Variants in P2RY12 observed in about 807,000 individuals in gnomAD.
P2RY12 encodes the protein P2Y purinoceptor 12.
A neutral mutation model predicts 4.5 loss-of-function variants in P2RY12; 3 were observed. That is an observed-to-expected ratio of 0.67 (90% CI 0.31 to 1.74). The LOEUF is 1.74. Among genes scored for constraint, P2RY12 ranks in the 40% most tolerant of loss-of-function variants. P2RY12 has a pLI of 0.09. For missense variants in P2RY12, 356 were observed against 407.8 expected (o/e 0.87, Z 1.09); for synonymous variants, 148 against 154.1 (o/e 0.96, Z 0.29).
chr3:151,372,892 A>C, intron 1 of P2RY12: 1 of 662,098 alleles, frequency 1.5e-6, no homozygotes, highest in Non-Finnish European at 2.5e-6. Context: ...TTTCGAAATA[A>C]TTTTAAGTTT....
At position 151,338,833 on chromosome 3, in the gene P2RY12, C is replaced by G; in HGVS notation, c.13G>C (p.Asp5His). The part of the protein sequence containing the change: MQAV[D>H]NLTSAPGNTS... ...TTACCAGGCGCAGAGGTGAGGTTGT[C>G]GACGGCTTGCATTTCTTGTTGGTTA... Residue 5 changes from aspartate (D) to histidine (H), a missense_variant, in exon 3 of 3, where the codon GAC (aspartate) becomes CAC (histidine). By Grantham distance (81) the Asp-to-His change is moderately conservative (BLOSUM62 -1). Coordinates refer to ENST00000302632, the MANE Select transcript of P2RY12 (RefSeq NM_022788.5). 1.2e-6 allele frequency: 2 copies of G among 1,613,420 alleles called. No individual in the cohort carries two copies. The highest frequency in any genetic ancestry group is 1.7e-6 in the Non-Finnish European group (2 of 1,179,622).
intron 1 of P2RY12, among the ~76,000 whole-genome samples, chr3:151,354,547 A>G (rs1753682163): frequency 6.6e-6 from 1 of 152,318 alleles, no homozygotes; most frequent in East Asian, 1.9e-4. Context: ...GATTAAGTCA[A>G]AGTGAGCCCA....
chr3:151,348,360 AAAAG>A (rs1361325055), intron 1 of P2RY12, among the ~76,000 whole-genome samples: 41 of 24,852 alleles, frequency 1.6e-3, no homozygotes, highest in African/African-American at 2.7e-3. Flanking sequence ...AAAAAAAAAA[AAAAG>A]AAAAAAGAAA....
intron 1 of P2RY12, among the ~76,000 whole-genome samples, chr3:151,372,928 TA>T (rs917127241): frequency 5.9e-5 from 9 of 152,342 alleles, no homozygotes; most frequent in African/African-American, 2.2e-4. Context: ...GAATTATTTT[TA>T]AAAAACTCAT....
intron 1 of P2RY12, chr3:151,355,192 A>G: frequency 6.2e-7 from 1 of 1,614,014 alleles, no homozygotes; most frequent in Non-Finnish European, 8.5e-7. Context: ...TGTGTTCACT[A>G]AACTCCAGCT....
At chr3:151,360,968 A>G (rs1577437754) in intron 1 of P2RY12, among the ~76,000 whole-genome samples, 1 of 152,150 alleles carries the variant, frequency 6.6e-6, no homozygotes, top group African/African-American at 2.4e-5. Flanking sequence ...ATTATTTGAT[A>G]TATCTTTCCA....
intron 1 of P2RY12, among the ~76,000 whole-genome samples, chr3:151,360,099 G>A (rs1754425695): frequency 6.6e-6 from 1 of 152,132 alleles, no homozygotes; most frequent in African/African-American, 2.4e-5. Flanking sequence ...GAAAACTTGG[G>A]AATCTTTGCA....
chr3:151,383,762 T>C, intron 1 of P2RY12: 1 of 1,535,314 alleles, frequency 6.5e-7, no homozygotes, highest in South Asian at 1.1e-5. Flanking sequence ...AATATCTTAC[T>C]GTATTTTGTC....
intron 1 of P2RY12, chr3:151,355,055 A>T (rs1442081820): frequency 1.1e-5 from 13 of 1,134,620 alleles, no homozygotes; most frequent in Non-Finnish European, 1.3e-5. Flanking sequence ...AAAAAAAAGT[A>T]TCCATTAAAA....
At chr3:151,380,633 A>G (rs1253121775) in intron 1 of P2RY12, among the ~76,000 whole-genome samples, 1 of 152,116 alleles carries the variant, frequency 6.6e-6, no homozygotes, top group Non-Finnish European at 1.5e-5. Flanking sequence ...TAAGGTTACA[A>G]AATGTTTTGA....
intron 1 of P2RY12, among the ~76,000 whole-genome samples, chr3:151,349,649 T>A (rs866533241): frequency 6.6e-6 from 1 of 152,156 alleles, no homozygotes; most frequent in South Asian, 2.1e-4. Flanking sequence ...ATGTAAATAT[T>A]TACTATTGCT....
intron 1 of P2RY12, chr3:151,360,491 A>G (rs1754479231): frequency 6.2e-7 from 1 of 1,612,680 alleles, no homozygotes. Flanking sequence ...GGTGTGGTCA[A>G]GCATGTCGTA....
intron 1 of P2RY12, among the ~76,000 whole-genome samples, chr3:151,379,262 G>A (rs1711784950): frequency 6.6e-6 from 1 of 152,156 alleles, no homozygotes; most frequent in East Asian, 1.9e-4. Context: ...CAGGACAGAT[G>A]GTATTGAAGA....
chr3:151,346,453 T>C (rs1752548348), intron 1 of P2RY12, among the ~76,000 whole-genome samples: 1 of 152,124 alleles, frequency 6.6e-6, no homozygotes, highest in African/African-American at 2.4e-5. Context: ...CATCATCACC[T>C]CTTACTTTAA....
In P2RY12 at chr3:151,336,981, A is replaced by C. The variant is rs924927565; in HGVS notation, c.*836T>G. 3.9e-5 allele frequency: 6 copies of C among 152,562 alleles called. No homozygotes were observed. Among genetic ancestry groups the C allele is most frequent in the African/African-American group, 1.2e-4 (5 of 41,576 alleles). 9.5% of individuals were successfully genotyped at this position (152,562 alleles called of 1,614,324 possible). On this transcript the variant is annotated 3_prime_UTR_variant, in exon 3 of 3. Coordinates refer to ENST00000302632, the MANE Select transcript of P2RY12 (RefSeq NM_022788.5). ...CATATTTAATTAATTTTTTTCACTA[A>C]GGTAAAATGTTCATTAACCTAATTA...
chr3:151,338,883 T>C, intron 2 of P2RY12, 24 bp from the exon 3 acceptor site: 1 of 1,598,310 alleles, frequency 6.3e-7, no homozygotes. Flanking sequence ...GAGAGGATGG[T>C]TATTTTCAGC....
At chr3:151,346,544 CAAG>C (rs1366061010) in intron 1 of P2RY12, among the ~76,000 whole-genome samples, 1 of 152,190 alleles carries the variant, frequency 6.6e-6, no homozygotes, top group African/African-American at 2.4e-5. Flanking sequence ...TGTCAGTAAA[CAAG>C]AAGTCACATC....
chr3:151,368,702 T>TTCATGTCATG (rs1755748242), intron 1 of P2RY12, among the ~76,000 whole-genome samples: 4 of 63,068 alleles, frequency 6.3e-5, no homozygotes, highest in African/African-American at 3.2e-4. Context: ...TTCATTTCAT[T>TTCATGTCATG]TCATTTCATT....
intron 1 of P2RY12, among the ~76,000 whole-genome samples, chr3:151,367,973 A>G (rs1405568957): frequency 6.6e-6 from 1 of 152,210 alleles, no homozygotes; most frequent in Non-Finnish European, 1.5e-5. Context: ...CTGCTATGTT[A>G]CAGTCTGTTT....
Sources: allele counts gnomAD v4.1 joint callset (sites outside exome capture counted in the v4.1 genomes callset), GRCh38; gene constraint gnomAD v4.1.1; transcripts MANE v1.5; gene names NCBI Gene and HGNC (gene_info 2026-07-23, HGNC 2026-07-21).